The following BRAF variants were observed in gnomAD, a reference collection of about 807,000 sequenced individuals.
The protein encoded by BRAF is B-Raf proto-oncogene, serine/threonine kinase.
A neutral mutation model predicts 104.6 loss-of-function variants in BRAF; 16 were observed. The observed-to-expected ratio is 0.15, with a 90% CI of 0.10 to 0.23. BRAF has a LOEUF of 0.23. Among genes scored for constraint, BRAF ranks in the 10% least tolerant of loss-of-function variants. The pLI is 1.00. For missense variants in BRAF, 541 were observed against 937.3 expected (o/e 0.58, Z 5.52); for synonymous variants, 310 against 341.6 (o/e 0.91, Z 1.02).
At chr7:140,739,475 A>G (rs539719140) in intron 18 of BRAF, among the ~76,000 whole-genome samples, 1 of 147,556 alleles carries the variant, frequency 6.8e-6, no homozygotes, top group Non-Finnish European at 1.5e-5. Context: ...AATAGTTTTA[A>G]TTTCTAATAA....
intron 8 of BRAF, among the ~76,000 whole-genome samples, chr7:140,788,737 C>T (rs1258947682): frequency 3.3e-5 from 5 of 151,972 alleles, no homozygotes; most frequent in African/African-American, 1.2e-4. Flanking sequence ...TACAAGCACG[C>T]ACCACCATGC....
chr7:140,874,344 G>C (rs1811955275), intron 1 of BRAF, among the ~76,000 whole-genome samples: 1 of 151,570 alleles, frequency 6.6e-6, no homozygotes, highest in African/African-American at 2.4e-5. Context: ...TGGGATTACA[G>C]GCACGCGCCA....
At chr7:140,782,379 G>A (rs1461023271) in intron 11 of BRAF, among the ~76,000 whole-genome samples, 5 of 151,246 alleles carry the variant, frequency 3.3e-5, no homozygotes, top group African/African-American at 4.9e-5. Flanking sequence ...AAGTTAACCT[G>A]TGGTAACTAC....
At chr7:140,898,510 T>C (rs1027859149) in intron 1 of BRAF, among the ~76,000 whole-genome samples, 1 of 152,200 alleles carries the variant, frequency 6.6e-6, no homozygotes, top group Non-Finnish European at 1.5e-5. Context: ...GAAAACATAC[T>C]CAACCTCACT....
intron 1 of BRAF, among the ~76,000 whole-genome samples, chr7:140,884,990 ATTTG>A (rs150898690): frequency 0.029 from 4,357 of 152,046 alleles, 210 homozygotes; most frequent in African/African-American, 0.097. Context: ...TTATTTATTT[ATTTG>A]TTTGTTTATT....
chr7:140,829,202 G>GC (rs1055483381), intron 3 of BRAF, among the ~76,000 whole-genome samples: 5 of 149,034 alleles, frequency 3.4e-5, no homozygotes, highest in African/African-American at 1.2e-4. Context: ...TTTTTTGTGG[G>GC]GGGGGGCATA....
intron 14 of BRAF, among the ~76,000 whole-genome samples, chr7:140,761,361 C>T (rs544344771): frequency 7.9e-5 from 12 of 151,974 alleles, no homozygotes; most frequent in Admixed American, 7.9e-4. Flanking sequence ...CACCCCCAGG[C>T]CTGCCCTAAA....
At chr7:140,907,747 C>A (rs1816487103) in intron 1 of BRAF, among the ~76,000 whole-genome samples, 1 of 143,516 alleles carries the variant, frequency 7.0e-6, no homozygotes, top group African/African-American at 2.6e-5. Context: ...ACCAAAGTAA[C>A]TTTTTTTTTT....
chr7:140,859,019 T>C (rs1001737613), intron 1 of BRAF, among the ~76,000 whole-genome samples: 3 of 152,074 alleles, frequency 2.0e-5, no homozygotes, highest in African/African-American at 7.2e-5. Flanking sequence ...GACATAAAAT[T>C]ACATGGTGTT....
intron 19 of BRAF, chr7:140,733,906 A>G (rs945906927): frequency 7.9e-6 from 6 of 764,238 alleles, no homozygotes; most frequent in African/African-American, 3.8e-5. Flanking sequence ...ATTTAAAAGA[A>G]ACTCCAATTT....
chr7:140,849,686 C>T (rs1295140302), intron 2 of BRAF, among the ~76,000 whole-genome samples: 1 of 152,024 alleles, frequency 6.6e-6, no homozygotes, highest in African/African-American at 2.4e-5. Flanking sequence ...GTAATGTGCG[C>T]CTGTAGTCCC....
At chr7:140,777,349 A>C (rs1335890501) in intron 13 of BRAF, among the ~76,000 whole-genome samples, 1 of 152,162 alleles carries the variant, frequency 6.6e-6, no homozygotes, top group East Asian at 1.9e-4. Context: ...GAAGTTCATC[A>C]CTCAGTTGTA....
At position 140,740,669 on chromosome 7, in the gene BRAF, T is replaced by G. The variant is rs1796846320; in HGVS notation, c.2113-723A>C. 2.6e-5 allele frequency: 4 copies of G among 152,224 alleles called. No individual in the cohort carries two copies. In the South Asian group the frequency reaches 8.3e-4, roughly 32 times the overall value. 9.4% of individuals were successfully genotyped at this position (152,224 alleles called of 1,614,324 possible). A position where few individuals can be genotyped will look rare whatever the true frequency, so the allele number is the denominator to read the frequency against. On this transcript the variant is annotated intron_variant, in intron 17 of 19. Coordinates refer to ENST00000644969, the MANE Select transcript of BRAF (RefSeq NM_001374258.1). Reference sequence around the variant, plus strand: ...GGCTTTTGGTCTTAGAGGGAATAGGTGCAACAGGGGGAGAGTAGAGGCTAA... The same window carrying G: ...GGCTTTTGGTCTTAGAGGGAATAGGGGCAACAGGGGGAGAGTAGAGGCTAA...
intron 1 of BRAF, among the ~76,000 whole-genome samples, chr7:140,864,546 G>A (rs1051986603): frequency 2.6e-5 from 4 of 152,118 alleles, no homozygotes; most frequent in Non-Finnish European, 5.9e-5. Flanking sequence ...GAGAGTATAG[G>A]CCAAGAAGGC....
chr7:140,797,884 A>T (rs1562964627), intron 7 of BRAF, among the ~76,000 whole-genome samples: 1 of 152,220 alleles, frequency 6.6e-6, no homozygotes, highest in Non-Finnish European at 1.5e-5. Context: ...ATCTAAAAAA[A>T]ACACAGCTGC....
At chr7:140,829,315 C>T (rs1806443558) in intron 3 of BRAF, among the ~76,000 whole-genome samples, 1 of 150,836 alleles carries the variant, frequency 6.6e-6, no homozygotes, top group South Asian at 2.1e-4. Context: ...TTACATGCAG[C>T]CTACTAGATT....
chr7:140,822,742 A>G (rs1196208243), intron 3 of BRAF, among the ~76,000 whole-genome samples: 1 of 152,236 alleles, frequency 6.6e-6, no homozygotes, highest in Non-Finnish European at 1.5e-5. Flanking sequence ...ATTCGTATAC[A>G]AATCTTTCTA....
chr7:140,881,472 C>T (rs905114596), intron 1 of BRAF, among the ~76,000 whole-genome samples: 11 of 152,156 alleles, frequency 7.2e-5, no homozygotes, highest in African/African-American at 2.7e-4. Context: ...CCAGGCTGGT[C>T]TCGAACTCCT....
intron 3 of BRAF, among the ~76,000 whole-genome samples, chr7:140,821,287 G>C (rs1052544876): frequency 2.1e-5 from 3 of 140,256 alleles, no homozygotes; most frequent in African/African-American, 5.3e-5. Context: ...CCCAGCGTCT[G>C]AATTACATTT....
Sources: allele counts gnomAD v4.1 joint callset (sites outside exome capture counted in the v4.1 genomes callset), GRCh38; gene constraint gnomAD v4.1.1; transcripts MANE v1.5; gene names NCBI Gene and HGNC (gene_info 2026-07-23, HGNC 2026-07-21).